Variants in NUP210 observed in about 807,000 individuals in gnomAD.
The protein encoded by NUP210 is nuclear pore membrane glycoprotein 210.
In NUP210, 151 loss-of-function variants were observed where a neutral mutation model predicts 196.0. The observed-to-expected ratio is 0.77, with a 90% CI of 0.67 to 0.88. The LOEUF is 0.88. Ranked by LOEUF, NUP210 falls within the 40% of genes least tolerant of loss-of-function variation. The pLI, the probability that NUP210 is intolerant of heterozygous loss-of-function variation, is 0.00. For synonymous variants in NUP210, 1,070 were observed against 1,052.7 expected (o/e 1.02, Z -0.32); for missense variants, 2,314 against 2,493.7 (o/e 0.93, Z 1.53).
chr3:13,318,346 A>G (rs1426279161), intron 39 of NUP210, among the ~76,000 whole-genome samples: 2 of 152,192 alleles, frequency 1.3e-5, no homozygotes, highest in Non-Finnish European at 2.9e-5. Flanking sequence ...GTCGTCAGGC[A>G]GAAGACAAGG....
chr3:13,325,137 C>T (rs1023765354), intron 33 of NUP210, among the ~76,000 whole-genome samples: 1 of 152,168 alleles, frequency 6.6e-6, no homozygotes, highest in African/African-American at 2.4e-5. Context: ...TTCCAGCCCC[C>T]GAGGCTCTGC....
intron 16 of NUP210, among the ~76,000 whole-genome samples, chr3:13,356,519 T>A (rs986159672): frequency 6.6e-6 from 1 of 152,168 alleles, no homozygotes; most frequent in African/African-American, 2.4e-5. Context: ...GGCGCATGCC[T>A]GTAATCCCAG....
intron 21 of NUP210, among the ~76,000 whole-genome samples, chr3:13,342,846 T>C (rs1383580165): frequency 6.6e-6 from 1 of 152,236 alleles, no homozygotes; most frequent in Non-Finnish European, 1.5e-5. Flanking sequence ...AGAAAATACA[T>C]GCTCAGCAGG....
chr3:13,335,412 T>C (rs768441667), intron 28 of NUP210, 42 bp downstream of exon 28: 5 of 1,588,468 alleles, frequency 3.1e-6, no homozygotes, highest in Admixed American at 3.4e-5. Context: ...CAGCTGGCAC[T>C]TCCTCTCCCC....
chr3:13,417,781 C>T (rs1354305127), intron 1 of NUP210, among the ~76,000 whole-genome samples: 6 of 152,170 alleles, frequency 3.9e-5, no homozygotes, highest in African/African-American at 9.7e-5. Context: ...TACAGATCAA[C>T]GCCAAACACG....
intron 14 of NUP210, among the ~76,000 whole-genome samples, chr3:13,363,640 C>A (rs1215744899): frequency 6.6e-6 from 1 of 152,208 alleles, no homozygotes; most frequent in East Asian, 1.9e-4. Flanking sequence ...ACAGAGACAT[C>A]AATTCCTCTA....
chr3:13,353,769 G>T, intron 17 of NUP210, 109 bp from the exon 18 acceptor site: 2 of 1,242,354 alleles, frequency 1.6e-6, no homozygotes, highest in African/African-American at 1.5e-5. Flanking sequence ...ACAGACAACT[G>T]TGTGTGTTGA....
chr3:13,355,832 A>G (rs1201098056), intron 16 of NUP210, among the ~76,000 whole-genome samples: 1 of 152,216 alleles, frequency 6.6e-6, no homozygotes, highest in African/African-American at 2.4e-5. Context: ...TCCTGGCTGG[A>G]AAACCAATGC....
rs367882817 is a variant in NUP210 at position 13,418,689 on chromosome 3, G to A, written c.167+1371C>T. 1.2e-4 allele frequency among the ~76,000 whole-genome samples: 19 copies of A among 152,200 alleles called. No individual in the cohort carries two copies. The East Asian group carries it at 3.7e-3, about 29-fold the overall frequency. ...TGTAATCCCAGCTACTCGGGAGGCT[G>A]AGGCAGGAGAATCGCTTGAACCGGG... On this transcript the variant is annotated intron_variant, in intron 1 of 39. Coordinates refer to ENST00000254508, the MANE Select transcript of NUP210 (RefSeq NM_024923.4).
At chr3:13,392,122 C>G (rs1301460116) in intron 3 of NUP210, among the ~76,000 whole-genome samples, 1 of 152,180 alleles carries the variant, frequency 6.6e-6, no homozygotes, top group Non-Finnish European at 1.5e-5. Context: ...GACCAGCTCC[C>G]AGTACAAGGG....
chr3:13,346,062 C>A (rs955373945), intron 20 of NUP210, among the ~76,000 whole-genome samples: 1 of 152,202 alleles, frequency 6.6e-6, no homozygotes, highest in Non-Finnish European at 1.5e-5. Context: ...AACCATCTTG[C>A]ACATTTTAAA....
At position 13,353,984 on chromosome 3, in the gene NUP210, T is replaced by G. The variant is rs1396083184; in HGVS notation, c.2452A>C (p.Ser818Arg). 1 of 1,609,654 alleles carries G rather than the reference T, an allele frequency of 6.2e-7. No homozygotes were observed. The highest frequency in any genetic ancestry group is 8.5e-7 in the Non-Finnish European group (1 of 1,177,990). ...QWESTRPVLA[S>R]IEPELPMQLV... ...TGCATGGGCAGCTCAGGCTCGATGC[T>G]GGCCAACACTGGCCTGGTGGACTCC... The change falls in exon 17 of 40, where the codon AGC becomes CGC. Residue 818 changes from serine to arginine, a missense_variant. Physicochemically the swap from Ser to Arg is moderately radical, Grantham distance 110. Transcript: ENST00000254508.
chr3:13,397,768 G>T (rs1008045894), intron 2 of NUP210, among the ~76,000 whole-genome samples: 1 of 152,220 alleles, frequency 6.6e-6, no homozygotes, highest in African/African-American at 2.4e-5. Flanking sequence ...ACTTAGTTTC[G>T]TTCAGGGTGT....
At chr3:13,399,651 G>A in intron 2 of NUP210, 74 bp downstream of exon 2, 1 of 1,598,128 alleles carries the variant, frequency 6.3e-7, no homozygotes, top group Middle Eastern at 1.7e-4. Flanking sequence ...GTAGCCTCTA[G>A]GACCCTGGGT....
At chr3:13,378,043 G>T (rs1698978786) in intron 8 of NUP210, among the ~76,000 whole-genome samples, 1 of 152,166 alleles carries the variant, frequency 6.6e-6, no homozygotes, top group African/African-American at 2.4e-5. Flanking sequence ...AGCTGACCTC[G>T]CCAGGACCAA....
rs1220085509 is a variant in NUP210, at chr3:13,397,476, A to C, written c.317T>G (p.Val106Gly). The C allele has an allele frequency of 6.2e-7, 1 of 1,601,480 alleles. No individual in the cohort carries two copies. Among genetic ancestry groups the C allele is most frequent in the Non-Finnish European group, 8.5e-7 (1 of 1,174,652 alleles). ...IFAEDITTGQ[V>G]LRCDAIVDLI... ...GTCCACAATGGCATCACAGCGCAGG[A>C]CCTGGCCTGTGGCTGGAGGAACCCC... The change falls in exon 3 of 40, where the codon GTC (valine) becomes GGC (glycine). Residue 106 changes from valine to glycine, a missense_variant. Transcript: ENST00000254508.
At chr3:13,391,370 G>T in intron 3 of NUP210, 63 bp from the exon 4 acceptor site, 1 of 1,064,596 alleles carries the variant, frequency 9.4e-7, no homozygotes, top group Non-Finnish European at 1.4e-6. Flanking sequence ...GGAGGGAGGC[G>T]TGATGGGAGC....
intron 31 of NUP210, 99 bp from the exon 32 acceptor site, chr3:13,327,536 T>C: frequency 1.1e-6 from 1 of 894,916 alleles, no homozygotes; most frequent in Non-Finnish European, 1.7e-6. Flanking sequence ...GAGCAAAGCA[T>C]TCAACTGACT....
At chr3:13,418,364 G>A (rs1417694140) in intron 1 of NUP210, among the ~76,000 whole-genome samples, 7 of 151,860 alleles carry the variant, frequency 4.6e-5, no homozygotes, top group African/African-American at 1.5e-4. Context: ...AGGCAGAGGC[G>A]GCGGGATCAC....
Sources: gnomAD v4.1 joint callset for allele counts (sites outside exome capture counted in the v4.1 genomes callset) on GRCh38, gnomAD v4.1.1 for gene constraint, MANE v1.5 for transcripts, NCBI Gene and HGNC (gene_info 2026-07-23, HGNC 2026-07-21) for gene names.